The following RYR2 variants were observed in gnomAD, a reference collection of about 807,000 sequenced individuals.
RYR2 encodes the protein ryanodine receptor 2.
RYR2 carries 227 observed loss-of-function variants against 601.1 expected under a neutral mutation model. The ratio of observed to expected loss-of-function variants is 0.38; its 90% CI spans 0.34 to 0.42. The LOEUF (loss-of-function observed/expected upper bound fraction) is 0.42. Among genes scored for constraint, RYR2 ranks in the 10% least tolerant of loss-of-function variants. The pLI, the probability that RYR2 is intolerant of heterozygous loss-of-function variation, is 1.00. For missense variants in RYR2, 4,646 were observed against 6,156.5 expected (o/e 0.75, Z 8.21); for synonymous variants, 2,223 against 2,175.1 (o/e 1.02, Z -0.61).
chr1:237,658,964 T>C (rs921278240), intron 54 of RYR2, among the ~76,000 whole-genome samples: 1 of 152,216 alleles, frequency 6.6e-6, no homozygotes, highest in African/African-American at 2.4e-5. Flanking sequence ...GCCTACAGGT[T>C]CATGTTTAAG....
chr1:237,767,070 C>G (rs1693903102), intron 84 of RYR2, among the ~76,000 whole-genome samples: 1 of 152,142 alleles, frequency 6.6e-6, no homozygotes, highest in African/African-American at 2.4e-5. Context: ...CAATTCGATT[C>G]TCCCAACAGT....
At position 237,194,676 on chromosome 1, in the gene RYR2, C is replaced by T. The variant is rs545418141; in HGVS notation, c.49-75821C>T. Among the ~76,000 whole-genome samples the T allele has an allele frequency of 1.2e-3, 185 of 152,208 alleles. 1 individual carries two copies. Among genetic ancestry groups the T allele is most frequent in the African/African-American group, 4.1e-3 (170 of 41,534 alleles). ...ACTCCTGTACTGAAGTAGGGGAGAG[C>T]GAGTGAGCAGGGCTGTCAGAAGTGT... is the stretch of plus-strand genomic sequence containing the variant. On this transcript the variant is annotated intron_variant, in intron 1 of 104. Transcript: ENST00000366574.
chr1:237,434,695 T>G (rs1277114885), intron 12 of RYR2, among the ~76,000 whole-genome samples: 2 of 152,202 alleles, frequency 1.3e-5, no homozygotes, highest in Non-Finnish European at 2.9e-5. Flanking sequence ...AATAGAAGTC[T>G]TTTGCTATGG....
At chr1:237,665,236 T>G (rs904666699) in intron 56 of RYR2, among the ~76,000 whole-genome samples, 11 of 151,794 alleles carry the variant, frequency 7.2e-5, no homozygotes, top group Non-Finnish European at 1.2e-4. Flanking sequence ...CCGTCTCTAC[T>G]AAAAATATGA....
At chr1:237,457,483 A>G (rs1344643515) in intron 16 of RYR2, among the ~76,000 whole-genome samples, 1 of 152,204 alleles carries the variant, frequency 6.6e-6, no homozygotes, top group Non-Finnish European at 1.5e-5. Flanking sequence ...TAGGGTAAAG[A>G]GGGACAGTTT....
chr1:237,546,168 A>C (rs1231734377), intron 25 of RYR2, among the ~76,000 whole-genome samples: 1 of 152,142 alleles, frequency 6.6e-6, no homozygotes, highest in Admixed American at 6.5e-5. Context: ...TAAAAAACAA[A>C]AGCTACAGTT....
intron 1 of RYR2, among the ~76,000 whole-genome samples, chr1:237,124,793 G>T (rs1671229173): frequency 6.6e-6 from 1 of 152,010 alleles, no homozygotes; most frequent in Non-Finnish European, 1.5e-5. Context: ...GGCGCGGGGG[G>T]CATTGCTGTG....
chr1:237,579,329 T>C (rs1288126979), intron 29 of RYR2, among the ~76,000 whole-genome samples: 1 of 143,966 alleles, frequency 6.9e-6, no homozygotes, highest in Non-Finnish European at 1.5e-5. Context: ...TGATCTTGGC[T>C]CACTGCAACC....
At chr1:237,421,844 T>C (rs959873138) in intron 11 of RYR2, among the ~76,000 whole-genome samples, 1 of 152,186 alleles carries the variant, frequency 6.6e-6, no homozygotes, top group African/African-American at 2.4e-5. Flanking sequence ...ACAACATTCA[T>C]TATTTTTAGA....
intron 1 of RYR2, among the ~76,000 whole-genome samples, chr1:237,214,131 G>C (rs1682914246): frequency 6.6e-6 from 1 of 151,888 alleles, no homozygotes; most frequent in Non-Finnish European, 1.5e-5. Flanking sequence ...ATGTTGGCCA[G>C]GCTGGTCTTG....
chr1:237,377,258 G>A (rs77770787), intron 7 of RYR2, 65 bp from the exon 8 acceptor site: 3 of 1,196,952 alleles, frequency 2.5e-6, no homozygotes, highest in African/African-American at 3.1e-5. Context: ...GGGAATCATT[G>A]GCAAAGAAAA....
intron 1 of RYR2, among the ~76,000 whole-genome samples, chr1:237,196,692 G>C (rs1680607836): frequency 1.3e-5 from 2 of 152,132 alleles, no homozygotes; most frequent in African/African-American, 4.8e-5. Flanking sequence ...TTTACAATAA[G>C]TCTTGATGAG....
intron 10 of RYR2, 41 bp downstream of exon 10, chr1:237,388,224 T>G: frequency 2.6e-6 from 4 of 1,536,878 alleles, no homozygotes; most frequent in Non-Finnish European, 3.6e-6. Context: ...TGCACTCTTT[T>G]GCCTTGATGT....
chr1:237,314,934 T>G (rs1039382367), intron 2 of RYR2, among the ~76,000 whole-genome samples: 2 of 152,224 alleles, frequency 1.3e-5, no homozygotes, highest in Non-Finnish European at 1.5e-5. Flanking sequence ...GAAGGCTGAT[T>G]ATTTTAATGA....
At chr1:237,816,658 T>C (rs965207721) in intron 100 of RYR2, among the ~76,000 whole-genome samples, 1 of 150,450 alleles carries the variant, frequency 6.6e-6, no homozygotes, top group Non-Finnish European at 1.5e-5. Flanking sequence ...CATTGTACTC[T>C]AGCCTGGGAG....
chr1:237,818,687 T>C (rs1171319106), intron 100 of RYR2, among the ~76,000 whole-genome samples: 1 of 151,762 alleles, frequency 6.6e-6, no homozygotes, highest in African/African-American at 2.4e-5. Context: ...CAATACAATA[T>C]AGTTGTATGT....
rs374365432 is a variant in RYR2 at position 237,706,613 on chromosome 1, C to G, written c.9581-336C>G. 2.0e-5 allele frequency among the ~76,000 whole-genome samples: 3 copies of G among 152,072 alleles called. No homozygotes were observed. In the South Asian group the frequency reaches 6.2e-4, roughly 32 times the overall value. ...CGTGAGTGGGGGACTTCAAAACTTC[C>G]TCGAAAACGGGGAATGGAGGCCAAG... On this transcript the variant is annotated intron_variant, in intron 67 of 104. Coordinates refer to ENST00000366574, the MANE Select transcript of RYR2 (RefSeq NM_001035.3).
chr1:237,644,888 C>T (rs190351104), intron 48 of RYR2, among the ~76,000 whole-genome samples: 3 of 152,084 alleles, frequency 2.0e-5, no homozygotes, highest in Admixed American at 6.5e-5. Context: ...AAAAGTTAAA[C>T]AAGCATGGTG....
chr1:237,585,971 A>T (rs954914291), intron 29 of RYR2, among the ~76,000 whole-genome samples: 2 of 152,242 alleles, frequency 1.3e-5, no homozygotes, highest in Non-Finnish European at 2.9e-5. Context: ...CTACACAGAG[A>T]AAAAATTGAC....
Sources: allele counts gnomAD v4.1 joint callset (sites outside exome capture counted in the v4.1 genomes callset), GRCh38; gene constraint gnomAD v4.1.1; transcripts MANE v1.5; gene names NCBI Gene and HGNC (gene_info 2026-07-23, HGNC 2026-07-21).